C12orf75: variants seen among roughly 807,000 people sequenced by gnomAD.
C12orf75 encodes the protein chromosome 12 open reading frame 75, also known as overexpressed in colon carcinoma 1 protein.
A neutral mutation model predicts 11.4 loss-of-function variants in C12orf75; 4 were observed. That is an observed-to-expected ratio of 0.35 (90% CI 0.17 to 0.80). C12orf75 has a LOEUF of 0.80. Among genes scored for constraint, C12orf75 ranks in the 30% least tolerant of loss-of-function variants. C12orf75 has a pLI of 0.52. For missense variants in C12orf75, 89 were observed against 80.4 expected (o/e 1.11, Z -0.41); for synonymous variants, 30 against 30.0 (o/e 1.00, Z 0.00).
chr12:105,335,669 G>T (rs1041255806), intron 1 of C12orf75, among the ~76,000 whole-genome samples: 2 of 151,494 alleles, frequency 1.3e-5, no homozygotes, highest in African/African-American at 4.9e-5. Context: ...ATTTTTAATG[G>T]AACTCACTCT....
At chr12:105,369,926 T>G (rs1297471593) in intron 5 of C12orf75, among the ~76,000 whole-genome samples, 1 of 152,332 alleles carries the variant, frequency 6.6e-6, no homozygotes, top group South Asian at 2.1e-4. Context: ...AGATGTTTCA[T>G]GGAAAGAATT....
chr12:105,361,100 G>C (rs995046298), intron 2 of C12orf75, among the ~76,000 whole-genome samples: 1 of 151,928 alleles, frequency 6.6e-6, no homozygotes, highest in African/African-American at 2.4e-5. Context: ...AGGAATCAAC[G>C]TACCCTTTTC....
intron 2 of C12orf75, among the ~76,000 whole-genome samples, 184 bp from the exon 3 acceptor site, chr12:105,365,623 G>A (rs1301843466): frequency 2.0e-5 from 3 of 152,214 alleles, no homozygotes; most frequent in Admixed American, 2.0e-4. Context: ...ATGAATGATT[G>A]AGGTGAAGGC....
chr12:105,352,672 A>G lies in C12orf75; in HGVS notation c.71+4046A>G, dbSNP rs987741383. On this transcript the variant is annotated intron_variant, in intron 2 of 5. Coordinates refer to ENST00000443585, the MANE Select transcript of C12orf75 (RefSeq NM_001145199.2). ...GGCATGGATATTGCTGTAGGCTAAA[A>G]GACAGGAACCAGGCGAGTAAGAAAA... 1.2e-4 allele frequency among the ~76,000 whole-genome samples: 19 copies of G among 152,176 alleles called. 1 individual carries two copies. The highest frequency in any genetic ancestry group is 9.2e-4 in the Admixed American group (14 of 15,274).
chr12:105,342,363 C>G (rs767229558), intron 1 of C12orf75, among the ~76,000 whole-genome samples: 2 of 152,152 alleles, frequency 1.3e-5, no homozygotes, highest in African/African-American at 4.8e-5. Flanking sequence ...CCCCTTCTTG[C>G]GCTCTTGCTG....
chr12:105,336,603 C>CA (rs1444210575), intron 1 of C12orf75, among the ~76,000 whole-genome samples: 4 of 152,182 alleles, frequency 2.6e-5, no homozygotes, highest in Non-Finnish European at 5.9e-5. Flanking sequence ...TGTCTGCGCT[C>CA]AGAGAAGTGC....
rs1871626618 is a variant in C12orf75 at position 105,371,515 on chromosome 12, T to C, written c.*915T>C. ...AACAATTAAAACATTTTTATCCCTCTTCACTTACATTTCTTAATTATTTTT... is the reference window on the plus strand; with the variant it reads ...AACAATTAAAACATTTTTATCCCTCCTCACTTACATTTCTTAATTATTTTT... On this transcript the variant is annotated 3_prime_UTR_variant, in exon 6 of 6. Transcript: ENST00000443585. 1 of 152,210 alleles carries C rather than the reference T, an allele frequency of 6.6e-6. No individual in the cohort carries two copies. Among genetic ancestry groups the C allele is most frequent in the South Asian group, 2.1e-4 (1 of 4,838 alleles). 9.4% of individuals were successfully genotyped at this position (152,210 alleles called of 1,614,324 possible).
chr12:105,339,182 A>G (rs1225332465), intron 1 of C12orf75, among the ~76,000 whole-genome samples: 1 of 152,164 alleles, frequency 6.6e-6, no homozygotes, highest in African/African-American at 2.4e-5. Context: ...ATTGTGGGTC[A>G]GAAGAGCATA....
intron 1 of C12orf75, among the ~76,000 whole-genome samples, chr12:105,339,441 G>T (rs1185504633): frequency 6.2e-5 from 9 of 145,602 alleles, no homozygotes; most frequent in Middle Eastern, 3.3e-3. Context: ...TTTATTTCGG[G>T]TGTGTGTGTG....
At chr12:105,364,871 TC>T (rs1215615742) in intron 2 of C12orf75, among the ~76,000 whole-genome samples, 10 of 143,902 alleles carry the variant, frequency 6.9e-5, no homozygotes, top group African/African-American at 2.1e-4. Flanking sequence ...AGACCAAGTA[TC>T]CCTCTGTTGC....
chr12:105,355,522 T>C (rs1161433825), intron 2 of C12orf75, among the ~76,000 whole-genome samples: 2 of 152,128 alleles, frequency 1.3e-5, no homozygotes, highest in African/African-American at 4.8e-5. Context: ...AGAAAAACTT[T>C]GGGTCAGGGT....
intron 2 of C12orf75, among the ~76,000 whole-genome samples, chr12:105,351,312 A>C (rs181254837): frequency 6.6e-6 from 1 of 152,318 alleles, no homozygotes; most frequent in African/African-American, 2.4e-5. Flanking sequence ...AGAGTAAAGA[A>C]CTTAGAATAG....
intron 1 of C12orf75, among the ~76,000 whole-genome samples, chr12:105,346,291 C>T (rs1892639969): frequency 6.6e-6 from 1 of 152,194 alleles, no homozygotes; most frequent in South Asian, 2.1e-4. Flanking sequence ...ACGTGTTCTC[C>T]AGACCTTCTG....
rs151281928 is a variant in C12orf75, at chr12:105,340,968, A to C, written c.47-7634A>C. ...CCTAAGGCCTCTGGAAGGAGTTTGG[A>C]TCTGCTGAGACCTTGATTTTGTACT... On this transcript the variant is annotated intron_variant, in intron 1 of 5. Coordinates refer to ENST00000443585, the MANE Select transcript of C12orf75 (RefSeq NM_001145199.2). Among the ~76,000 whole-genome samples the C allele has an allele frequency of 1.4e-4, 21 of 152,292 alleles. No homozygotes were observed. In the East Asian group the frequency reaches 3.9e-3, roughly 28 times the overall value.
Position 105,366,664 on chromosome 12 carries a change from T to G in C12orf75, c.155T>G (p.Met52Arg), listed in dbSNP as rs781668458. 2.6e-6 allele frequency: 4 copies of G among 1,543,262 alleles called. No homozygotes were observed. Among genetic ancestry groups the G allele is most frequent in the African/African-American group, 1.4e-5 (1 of 73,012 alleles). ...YVGLPSEAVN[M>R]VSSQTKTVRK... ...GGCCTACCATCTGAAGCTGTCAATA[T>G]GGTGTCCAGTCAAACAAAGACGGTT... The change falls in exon 4 of 6, where the codon ATG becomes AGG. Residue 52 changes from methionine (M) to arginine (R), a missense_variant. Physicochemically the swap from Met to Arg is moderately conservative, Grantham distance 91 (BLOSUM62 -1). Coordinates refer to ENST00000443585, the MANE Select transcript of C12orf75 (RefSeq NM_001145199.2).
intron 3 of C12orf75, chr12:105,366,056 G>A (rs1871464940): frequency 6.9e-6 from 4 of 581,828 alleles, no homozygotes; most frequent in Non-Finnish European, 9.4e-6. Flanking sequence ...TCCTATGCAT[G>A]TGGCGTGTGC....
intron 2 of C12orf75, among the ~76,000 whole-genome samples, chr12:105,354,006 C>G (rs78066151): frequency 0.028 from 4,189 of 152,188 alleles, 102 homozygotes; most frequent in South Asian, 0.06. Flanking sequence ...TGTTGAGTTT[C>G]TTGGGATCCT....
chr12:105,335,899 G>T (rs1483868331), intron 1 of C12orf75, among the ~76,000 whole-genome samples: 1 of 152,218 alleles, frequency 6.6e-6, no homozygotes, highest in African/African-American at 2.4e-5. Flanking sequence ...AAACAAAAAA[G>T]ATTCAAAATG....
chr12:105,365,820 G>C lies in C12orf75; in HGVS notation c.85G>C (p.Val29Leu), dbSNP rs905460233. The change falls in exon 3 of 6, where the codon GTA becomes CTA. Residue 29 changes from valine to leucine, a missense_variant. By Grantham distance (32) the Val-to-Leu change is conservative. Coordinates refer to ENST00000443585, the MANE Select transcript of C12orf75 (RefSeq NM_001145199.2). ...CTGACCTTTTAGAACAGAAGAATCC[G>C]TAACAGAAGATGACAAGAGGAGGTA... ...GAAKDVTEES[V>L]TEDDKRRNYG... 1 of 1,549,146 alleles carries C rather than the reference G, an allele frequency of 6.5e-7. No individual in the cohort carries two copies. The highest frequency in any genetic ancestry group is 1.4e-5 in the African/African-American group (1 of 72,970).
Sources: gnomAD v4.1 joint callset for allele counts (sites outside exome capture counted in the v4.1 genomes callset) on GRCh38, gnomAD v4.1.1 for gene constraint, MANE v1.5 for transcripts, NCBI Gene and HGNC (gene_info 2026-07-23, HGNC 2026-07-21) for gene names.